LTN1: variants seen among roughly 807,000 people sequenced by gnomAD.
LTN1 encodes listerin E3 ubiquitin protein ligase 1, also known as E3 ubiquitin-protein ligase listerin.
Under a neutral mutation model 201.2 loss-of-function variants are expected in LTN1, and 88 were observed. The observed-to-expected ratio is 0.44, with a 90% CI of 0.37 to 0.52. The LOEUF (loss-of-function observed/expected upper bound fraction) is 0.52, where lower values mean the gene tolerates loss of function less well. LTN1 is among the 20% of genes least tolerant of loss of function. The pLI, the probability that LTN1 is intolerant of heterozygous loss-of-function variation, is 0.00. For synonymous variants in LTN1, 645 were observed against 713.5 expected (o/e 0.90, Z 1.53); for missense variants, 1,752 against 2,038.7 (o/e 0.86, Z 2.71).
chr21:28,992,607 C>G (rs1461397446), intron 1 of LTN1, among the ~76,000 whole-genome samples, 157 bp downstream of exon 1: 1 of 152,156 alleles, frequency 6.6e-6, no homozygotes, highest in South Asian at 2.1e-4. Flanking sequence ...TAACACAAAC[C>G]GCTCTCAGGG....
intron 4 of LTN1, among the ~76,000 whole-genome samples, chr21:28,982,587 G>A (rs570013443): frequency 3.3e-5 from 5 of 152,028 alleles, no homozygotes; most frequent in South Asian, 2.1e-4. Context: ...TCTTCCCCAC[G>A]CACCTATAAA....
intron 16 of LTN1, among the ~76,000 whole-genome samples, chr21:28,955,193 G>A (rs1000372099): frequency 2.6e-5 from 4 of 152,024 alleles, no homozygotes; most frequent in African/African-American, 7.2e-5. Flanking sequence ...AATAAGCTGG[G>A]AATGGTGGCA....
Position 28,992,752 on chromosome 21 carries a change from G to GCCCC in LTN1, c.42+8_42+11dup. On this transcript the variant is annotated intron_variant, in intron 1 of 29. Coordinates refer to ENST00000361371, the MANE Select transcript of LTN1 (RefSeq NM_015565.3). Reference sequence around the variant, plus strand: ...CGAGGCTCCCGGGTCGGCCGAGCCAGCCCCCGCTCACCCTCAGGTTCCCTT... The same window carrying GCCCC: ...CGAGGCTCCCGGGTCGGCCGAGCCAGCCCCCCCCCGCTCACCCTCAGGTTCCCTT... 6.2e-7 allele frequency: 1 copy of GCCCC among 1,613,952 alleles called. No homozygotes were observed. The highest frequency in any genetic ancestry group is 1.1e-5 in the South Asian group (1 of 91,084).
intron 16 of LTN1, among the ~76,000 whole-genome samples, chr21:28,955,191 G>A (rs904726138): frequency 3.3e-5 from 5 of 152,040 alleles, no homozygotes; most frequent in African/African-American, 7.2e-5. Context: ...GAAATAAGCT[G>A]GGAATGGTGG....
chr21:28,964,795 C>T, intron 11 of LTN1: 1 of 1,524,912 alleles, frequency 6.6e-7, no homozygotes, highest in Non-Finnish European at 8.9e-7. Flanking sequence ...CATTAGTCTA[C>T]TCTTATCAAA....
intron 1 of LTN1, among the ~76,000 whole-genome samples, chr21:28,989,358 T>A (rs931074628): frequency 1.3e-5 from 2 of 152,208 alleles, no homozygotes; most frequent in Non-Finnish European, 2.9e-5. Flanking sequence ...ACTATCTTTT[T>A]TTAATGTCTA....
intron 18 of LTN1, among the ~76,000 whole-genome samples, chr21:28,949,747 T>C (rs1303372624): frequency 6.6e-6 from 1 of 152,218 alleles, no homozygotes; most frequent in Admixed American, 6.5e-5. Flanking sequence ...TATCCACTGA[T>C]GGGCACTTAG....
At chr21:28,947,230 TAGAAAA>T (rs1297524017) in intron 19 of LTN1, among the ~76,000 whole-genome samples, 2 of 152,144 alleles carry the variant, frequency 1.3e-5, no homozygotes, top group Admixed American at 6.6e-5. Context: ...AAGCTATAGA[TAGAAAA>T]GAAATGGTTA....
At chr21:28,963,063 A>C (rs932006403) in intron 11 of LTN1, among the ~76,000 whole-genome samples, 4 of 152,246 alleles carry the variant, frequency 2.6e-5, no homozygotes, top group Non-Finnish European at 5.9e-5. Flanking sequence ...GTTTAAAAGA[A>C]GAAACCATCT....
At chr21:28,949,452 G>A (rs1018768405) in intron 18 of LTN1, among the ~76,000 whole-genome samples, 9 of 152,124 alleles carry the variant, frequency 5.9e-5, no homozygotes, top group African/African-American at 2.2e-4. Flanking sequence ...CTAATCTCCA[G>A]AACTCTTCAT....
intron 18 of LTN1, among the ~76,000 whole-genome samples, chr21:28,948,147 G>A (rs2084354554): frequency 9.3e-6 from 1 of 107,044 alleles, no homozygotes; most frequent in Non-Finnish European, 1.9e-5. Context: ...GCTTGAGATT[G>A]GGCCCCTGCA....
chr21:28,967,249 C>T, intron 9 of LTN1, 70 bp from the exon 10 acceptor site: 1 of 1,113,440 alleles, frequency 9.0e-7, no homozygotes, highest in South Asian at 1.6e-5. Flanking sequence ...GCACACAACT[C>T]TAAAATCCTT....
intron 5 of LTN1, among the ~76,000 whole-genome samples, chr21:28,981,983 G>T (rs1601002478): frequency 6.6e-6 from 1 of 152,212 alleles, no homozygotes; most frequent in Non-Finnish European, 1.5e-5. Flanking sequence ...GGGAGGCCGA[G>T]GCGGGTGGAT....
In LTN1 at chr21:28,986,359, A is replaced by C. The variant is rs2084698428; in HGVS notation, c.247-122T>G. The C allele has an allele frequency of 1.4e-6, 1 of 708,228 alleles. No individual in the cohort carries two copies. The highest frequency in any genetic ancestry group is 2.4e-5 in the Admixed American group (1 of 42,136). The allele number at this position is 708,228 out of a possible 1,614,324, so 43.9% of individuals were successfully genotyped here. A position where few individuals can be genotyped will look rare whatever the true frequency, so the allele number is the denominator to read the frequency against. On this transcript the variant is annotated intron_variant, in intron 2 of 29. Coordinates refer to ENST00000361371, the MANE Select transcript of LTN1 (RefSeq NM_015565.3). This position sits in a 1 kb window ranked among gnomAD's most constrained non-coding sequence, Gnocchi z 4.1. ...AGAATACACTATTTCTCTTTATGCC[A>C]TATGAGACTAGTTTGAAGAGCTCTT...
Position 28,957,411 on chromosome 21 carries a change from T to C in LTN1, c.2813A>G (p.Tyr938Cys), listed in dbSNP as rs774593552. The change falls in exon 15 of 30, where the codon TAT becomes TGT. Residue 938 changes from tyrosine to cysteine, a missense_variant. Around this residue, in one of 3 missense-constraint regions of LTN1, gnomAD observed 1,211 missense variants for 1,312.8 expected, o/e 0.92. Transcript: ENST00000361371. ...LNTLLESEDS[Y>C]LMGVYIGSVM... The stretch of plus-strand genomic sequence containing the variant: ...ACTTCCAATATAAACTCCCATAAGA[T>C]AAGAATCTTCACTCTCTAGAAGTGT... 9 of 1,607,864 alleles carry C rather than the reference T, an allele frequency of 5.6e-6. No individual in the cohort carries two copies. The South Asian group carries it at 9.9e-5, about 18-fold the overall frequency.
At chr21:28,944,638 C>A in intron 21 of LTN1, 42 bp from the exon 22 acceptor site, 1 of 1,361,008 alleles carries the variant, frequency 7.3e-7, no homozygotes, top group Non-Finnish European at 1.0e-6. Flanking sequence ...CAGACTTCTA[C>A]CAGAACACTA....
chr21:28,987,350 T>C (rs1269652751), intron 1 of LTN1, among the ~76,000 whole-genome samples: 2 of 152,262 alleles, frequency 1.3e-5, no homozygotes, highest in African/African-American at 4.8e-5. Context: ...TACACATATG[T>C]ATACTATGTA....
chr21:28,989,462 G>T (rs1308079008), intron 1 of LTN1, among the ~76,000 whole-genome samples: 2 of 151,534 alleles, frequency 1.3e-5, no homozygotes, highest in Non-Finnish European at 2.9e-5. Flanking sequence ...TCTATTTATG[G>T]CACTTATTTT....
intron 17 of LTN1, among the ~76,000 whole-genome samples, chr21:28,952,593 C>T (rs1435937266): frequency 1.3e-5 from 2 of 152,186 alleles, no homozygotes; most frequent in Non-Finnish European, 2.9e-5. Flanking sequence ...TCCCAGAGGA[C>T]ACCTAGGCAG....
Sources: gnomAD v4.1 joint callset for allele counts (sites outside exome capture counted in the v4.1 genomes callset) on GRCh38, gnomAD v4.1.1 for gene constraint, gnomAD v4.1.1 regional missense constraint, Gnocchi (gnomAD v3.1) non-coding constraint, MANE v1.5 for transcripts, NCBI Gene and HGNC (gene_info 2026-07-23, HGNC 2026-07-21) for gene names.